Variants in CNTN6 observed in about 807,000 individuals in gnomAD.
CNTN6 encodes the protein contactin-6.
A neutral mutation model predicts 122.8 loss-of-function variants in CNTN6; 137 were observed. That is an observed-to-expected ratio of 1.12 (90% CI 0.97 to 1.29). The LOEUF is 1.29. Ranked by LOEUF, CNTN6 falls within the 50% of genes most tolerant of loss-of-function variation. The probability of loss-of-function intolerance (pLI) is 0.00; values close to 1 mark genes in which losing one functional copy is unlikely to be tolerated. For synonymous variants in CNTN6, 570 were observed against 426.0 expected (o/e 1.34, Z -4.16); for missense variants, 1,634 against 1,223.4 (o/e 1.34, Z -5.01).
intron 2 of CNTN6, among the ~76,000 whole-genome samples, chr3:1,198,724 CAAA>C (rs5846095): frequency 7.2e-6 from 1 of 139,426 alleles, no homozygotes; most frequent in African/African-American, 2.5e-5. Context: ...CTGTCTCAAA[CAAA>C]AAAAAAAAAG....
At chr3:1,281,671 C>A (rs1367856009) in intron 5 of CNTN6, among the ~76,000 whole-genome samples, 5 of 151,998 alleles carry the variant, frequency 3.3e-5, no homozygotes, top group Admixed American at 3.3e-4. Flanking sequence ...CACTTCTGAC[C>A]TCGTGATCTG....
intron 2 of CNTN6, chr3:1,173,424 G>GA: frequency 2.7e-6 from 1 of 376,360 alleles, no homozygotes; most frequent in South Asian, 2.0e-5. Context: ...TTAATCCTCA[G>GA]AAAATCCTCT....
chr3:1,250,867 C>A (rs1467290261), intron 4 of CNTN6, among the ~76,000 whole-genome samples: 2 of 152,134 alleles, frequency 1.3e-5, no homozygotes, highest in African/African-American at 2.4e-5. Flanking sequence ...ACCCCTCTTA[C>A]CACAGGTCTG....
At chr3:1,293,202 T>A (rs1196667674) in intron 5 of CNTN6, among the ~76,000 whole-genome samples, 3 of 152,158 alleles carry the variant, frequency 2.0e-5, no homozygotes, top group Non-Finnish European at 4.4e-5. Context: ...TCCCCACTAT[T>A]AATAGATTAA....
intron 4 of CNTN6, among the ~76,000 whole-genome samples, chr3:1,267,234 C>T (rs1399044262): frequency 6.6e-6 from 1 of 152,248 alleles, no homozygotes; most frequent in Middle Eastern, 3.4e-3. Context: ...TCCTCTCCTT[C>T]CTCACTTTTT....
At chr3:1,302,522 G>A (rs919703995) in intron 7 of CNTN6, among the ~76,000 whole-genome samples, 8 of 152,064 alleles carry the variant, frequency 5.3e-5, no homozygotes, top group Non-Finnish European at 2.9e-5. Flanking sequence ...GAAATCAATA[G>A]GTGGGTAGAA....
At chr3:1,341,657 G>C (rs1031803114) in intron 11 of CNTN6, among the ~76,000 whole-genome samples, 9 of 152,144 alleles carry the variant, frequency 5.9e-5, no homozygotes, top group African/African-American at 2.2e-4. Flanking sequence ...TGTTGCGTCA[G>C]CCACTACAAA....
chr3:1,104,759 G>A (rs974191223), intron 1 of CNTN6, among the ~76,000 whole-genome samples: 5 of 152,146 alleles, frequency 3.3e-5, no homozygotes, highest in East Asian at 1.9e-4. Context: ...ACGTGTGTGC[G>A]TGTGTGTGCA....
intron 4 of CNTN6, among the ~76,000 whole-genome samples, chr3:1,261,614 T>A (rs561299870): frequency 4.1e-4 from 63 of 152,178 alleles, no homozygotes; most frequent in African/African-American, 1.5e-3. Context: ...GCAACCCAAA[T>A]GGAGGCAGCA....
chr3:1,152,473 A>G (rs759396767), intron 2 of CNTN6, among the ~76,000 whole-genome samples: 48 of 152,144 alleles, frequency 3.2e-4, no homozygotes, highest in Admixed American at 1.4e-3. Context: ...ATACTGAACA[A>G]TGTCAGTAAT....
intron 1 of CNTN6, among the ~76,000 whole-genome samples, chr3:1,110,182 G>T (rs2091415126): frequency 6.6e-6 from 1 of 152,052 alleles, no homozygotes; most frequent in African/African-American, 2.4e-5. Context: ...ACAGATAGAA[G>T]AATCACTTTT....
chr3:1,344,546 G>A (rs1000403044), intron 11 of CNTN6, among the ~76,000 whole-genome samples: 1 of 152,176 alleles, frequency 6.6e-6, no homozygotes, highest in Non-Finnish European at 1.5e-5. Flanking sequence ...GGGTGAATGG[G>A]ATTCAGATAA....
intron 2 of CNTN6, among the ~76,000 whole-genome samples, chr3:1,149,686 CT>C (rs904408826): frequency 6.6e-6 from 1 of 152,030 alleles, no homozygotes; most frequent in Non-Finnish European, 1.5e-5. Context: ...ATAGTGTATT[CT>C]TTTTTTGGTA....
At chr3:1,119,547 G>A (rs1030409535) in intron 1 of CNTN6, among the ~76,000 whole-genome samples, 14 of 151,912 alleles carry the variant, frequency 9.2e-5, no homozygotes, top group African/African-American at 3.4e-4. Context: ...GTTGAACACT[G>A]TTAGGCTAGT....
At chr3:1,358,514 A>G in intron 12 of CNTN6, among the ~76,000 whole-genome samples, 1 of 151,682 alleles carries the variant, frequency 6.6e-6, no homozygotes, top group Admixed American at 6.6e-5. Context: ...ACTTCCCCAG[A>G]AGCAAGCTAT....
chr3:1,269,956 G>A (rs555580111), intron 4 of CNTN6, among the ~76,000 whole-genome samples: 2 of 152,140 alleles, frequency 1.3e-5, no homozygotes, highest in Non-Finnish European at 2.9e-5. Context: ...GACACCAGGA[G>A]CTCTTAAAAT....
chr3:1,289,313 G>C (rs1167188792), intron 5 of CNTN6, among the ~76,000 whole-genome samples: 3 of 152,170 alleles, frequency 2.0e-5, no homozygotes, highest in Non-Finnish European at 4.4e-5. Flanking sequence ...ATGGGGAGAA[G>C]GGAGCAGGGC....
At chr3:1,294,076 A>G (rs1470626846) in intron 5 of CNTN6, among the ~76,000 whole-genome samples, 6 of 152,186 alleles carry the variant, frequency 3.9e-5, no homozygotes, top group Non-Finnish European at 7.3e-5. Context: ...TTACACTTAC[A>G]TCTACATTAT....
At chr3:1,385,522 CTTGTGG>C (rs1364699615) in intron 19 of CNTN6, 83 bp from the exon 20 acceptor site, 196 of 1,035,098 alleles carry the variant, frequency 1.9e-4, no homozygotes, top group Non-Finnish European at 2.5e-4. Flanking sequence ...TCCCATATTC[CTTGTGG>C]TTGTGGTTGA....
Sources: gnomAD v4.1 joint callset for allele counts (sites outside exome capture counted in the v4.1 genomes callset) on GRCh38, gnomAD v4.1.1 for gene constraint, MANE v1.5 for transcripts, NCBI Gene and HGNC (gene_info 2026-07-23, HGNC 2026-07-21) for gene names.